MCOLN2: variants seen among roughly 807,000 people sequenced by gnomAD.
MCOLN2 encodes the protein mucolipin-2.
In MCOLN2, 57 loss-of-function variants were observed where a neutral mutation model predicts 67.5. The ratio of observed to expected loss-of-function variants is 0.84; its 90% CI spans 0.68 to 1.05. The LOEUF is 1.05. Among genes scored for constraint, MCOLN2 ranks in the 50% least tolerant of loss-of-function variants. The pLI is 0.00. For missense variants in MCOLN2, 620 were observed against 678.8 expected (o/e 0.91, Z 0.96); for synonymous variants, 246 against 233.3 (o/e 1.05, Z -0.50).
rs751781194 is a variant in MCOLN2, at chr1:84,958,425, C to T, written c.411+104G>A. On this transcript the variant is annotated intron_variant, in intron 3 of 13. Coordinates refer to ENST00000370608, the MANE Select transcript of MCOLN2 (RefSeq NM_153259.4). ...ATTTTTTGGCAGACTGCAAAACTTA[C>T]ATTAGAATATTTTAACATGTGTATA... is the stretch of plus-strand genomic sequence containing the variant. The T allele has an allele frequency of 5.5e-5, 50 of 911,274 alleles. 1 individual carries two copies. Among genetic ancestry groups the T allele is most frequent in the Non-Finnish European group, 8.0e-5 (50 of 623,344 alleles). 56.4% of individuals were successfully genotyped at this position (911,274 alleles called of 1,614,324 possible).
chr1:84,988,512 A>G (rs1391110783), intron 1 of MCOLN2, among the ~76,000 whole-genome samples: 1 of 152,136 alleles, frequency 6.6e-6, no homozygotes, highest in Non-Finnish European at 1.5e-5. Context: ...ATACTGCTCT[A>G]AAGTATACTT....
At chr1:84,940,797 G>T in intron 8 of MCOLN2, 82 bp downstream of exon 8, 2 of 819,872 alleles carry the variant, frequency 2.4e-6, no homozygotes, top group Non-Finnish European at 3.9e-6. Context: ...AAAGGCAGGT[G>T]CACAATATCG....
chr1:84,935,660 G>C (rs1489177400), intron 11 of MCOLN2, among the ~76,000 whole-genome samples: 2 of 152,040 alleles, frequency 1.3e-5, no homozygotes, highest in East Asian at 3.9e-4. Flanking sequence ...AATTTCATCT[G>C]TTTTTTTATT....
chr1:84,948,932 C>A (rs1648266648), intron 6 of MCOLN2, among the ~76,000 whole-genome samples: 1 of 152,202 alleles, frequency 6.6e-6, no homozygotes, highest in Non-Finnish European at 1.5e-5. Context: ...GAGGTTGAGA[C>A]CAGCCTGGCC....
chr1:84,982,369 T>G (rs1173611424), intron 1 of MCOLN2, among the ~76,000 whole-genome samples: 2 of 152,218 alleles, frequency 1.3e-5, no homozygotes, highest in African/African-American at 4.8e-5. Context: ...ACTCCTGGCC[T>G]CAAGCAAGCC....
At chr1:84,966,857 A>G (rs1233070271) in intron 1 of MCOLN2, among the ~76,000 whole-genome samples, 1 of 152,138 alleles carries the variant, frequency 6.6e-6, no homozygotes, top group Non-Finnish European at 1.5e-5. Flanking sequence ...TATAAAAAAT[A>G]TTAGTATTTC....
chr1:84,967,045 C>T (rs572176057), intron 1 of MCOLN2, among the ~76,000 whole-genome samples: 1 of 152,240 alleles, frequency 6.6e-6, no homozygotes, highest in South Asian at 2.1e-4. Flanking sequence ...AATATATACA[C>T]ATTGGGACTA....
intron 7 of MCOLN2, among the ~76,000 whole-genome samples, chr1:84,942,938 C>T (rs1260466323): frequency 6.6e-6 from 1 of 152,036 alleles, no homozygotes; most frequent in Non-Finnish European, 1.5e-5. Context: ...AGTGGGGCTC[C>T]GACTTTGGAC....
intron 2 of MCOLN2, among the ~76,000 whole-genome samples, chr1:84,960,023 A>G (rs515303): frequency 0.51 from 76,856 of 152,022 alleles, 19,720 homozygotes; most frequent in East Asian, 0.65. Context: ...AATATAGCAA[A>G]ACCTGTCTCT....
chr1:84,989,865 G>C (rs572953444), intron 1 of MCOLN2, among the ~76,000 whole-genome samples: 2 of 152,068 alleles, frequency 1.3e-5, no homozygotes, highest in Non-Finnish European at 2.9e-5. Flanking sequence ...AGTGAACATT[G>C]AACAATAAAA....
chr1:84,989,857 T>C (rs1416530843), intron 1 of MCOLN2, among the ~76,000 whole-genome samples: 1 of 152,138 alleles, frequency 6.6e-6, no homozygotes, highest in Non-Finnish European at 1.5e-5. Flanking sequence ...AACAAGCCAG[T>C]GAACATTGAA....
intron 13 of MCOLN2, among the ~76,000 whole-genome samples, chr1:84,927,003 GC>G (rs1295582314): frequency 2.6e-5 from 4 of 151,180 alleles, no homozygotes; most frequent in Non-Finnish European, 4.4e-5. Context: ...GAACCTCCAT[GC>G]CCCCAGGGAG....
Position 84,952,244 on chromosome 1 carries a change from G to C in MCOLN2, c.746C>G (p.Thr249Arg). The change falls in exon 6 of 14, where the codon ACG (threonine) becomes AGG (arginine). Residue 249 changes from threonine (T) to arginine (R), a missense_variant and splice_region_variant. Physicochemically the swap from Thr to Arg is moderately conservative, Grantham distance 71. Coordinates refer to ENST00000370608, the MANE Select transcript of MCOLN2 (RefSeq NM_153259.4). ...ELPDCYVFQN[T>R]IIFDNKAHSG... ...AGCTAGTAAAACAAAGATACTTGCCGTATTCTGAAAGACATAACAGTCTGG... is the reference window on the plus strand; with the variant it reads ...AGCTAGTAAAACAAAGATACTTGCCCTATTCTGAAAGACATAACAGTCTGG... 6.3e-7 allele frequency: 1 copy of C among 1,599,998 alleles called. No individual in the cohort carries two copies. Among genetic ancestry groups the C allele is most frequent in the Non-Finnish European group, 8.5e-7 (1 of 1,171,788 alleles).
intron 1 of MCOLN2, among the ~76,000 whole-genome samples, chr1:84,984,524 T>A (rs999243290): frequency 6.6e-6 from 1 of 152,212 alleles, no homozygotes; most frequent in Non-Finnish European, 1.5e-5. Context: ...CATGTCTGCT[T>A]CTTTCTTTAC....
intron 1 of MCOLN2, among the ~76,000 whole-genome samples, chr1:84,989,574 TA>T (rs1650782183): frequency 6.6e-6 from 1 of 152,116 alleles, no homozygotes; most frequent in African/African-American, 2.4e-5. Flanking sequence ...AATTTAGACA[TA>T]TTTTTAAAAC....
intron 1 of MCOLN2, among the ~76,000 whole-genome samples, chr1:84,996,484 G>A (rs1651161755): frequency 6.8e-6 from 1 of 148,106 alleles, no homozygotes; most frequent in South Asian, 2.1e-4. Context: ...TCACAACTTT[G>A]GCTCAACTGT....
chr1:84,975,285 G>A (rs906052613), intron 1 of MCOLN2, among the ~76,000 whole-genome samples: 1 of 152,204 alleles, frequency 6.6e-6, no homozygotes, highest in African/African-American at 2.4e-5. Context: ...CACAGAGGTA[G>A]TAGCCACAGG....
At chr1:84,985,362 T>C (rs1355663088) in intron 1 of MCOLN2, among the ~76,000 whole-genome samples, 1 of 152,338 alleles carries the variant, frequency 6.6e-6, no homozygotes, top group East Asian at 1.9e-4. Context: ...CTCCTCTTGA[T>C]GTCAGAGTGC....
At chr1:84,993,824 G>T (rs1363949768) in intron 1 of MCOLN2, among the ~76,000 whole-genome samples, 3 of 151,386 alleles carry the variant, frequency 2.0e-5, no homozygotes, top group Non-Finnish European at 2.9e-5. Context: ...TAGAGACGGG[G>T]TTTCACCTTG....
Sources: gnomAD v4.1 joint callset for allele counts (sites outside exome capture counted in the v4.1 genomes callset) on GRCh38, gnomAD v4.1.1 for gene constraint, MANE v1.5 for transcripts, NCBI Gene and HGNC (gene_info 2026-07-23, HGNC 2026-07-21) for gene names.